MYT1L: variants seen among roughly 807,000 people sequenced by gnomAD.
MYT1L encodes myelin transcription factor 1-like protein.
MYT1L carries 12 observed loss-of-function variants against 126.7 expected under a neutral mutation model. The observed-to-expected ratio is 0.09, with a 90% confidence interval of 0.06 to 0.15. The LOEUF is 0.15. Among genes scored for constraint, MYT1L ranks in the 10% least tolerant of loss-of-function variants. MYT1L has a pLI of 1.00. For missense variants in MYT1L, 979 were observed against 1,585.2 expected (o/e 0.62, Z 6.49); for synonymous variants, 541 against 604.2 (o/e 0.90, Z 1.53).
intron 3 of MYT1L, among the ~76,000 whole-genome samples, chr2:2,165,702 C>T (rs1249502506): frequency 2.0e-5 from 3 of 152,020 alleles, no homozygotes; most frequent in African/African-American, 7.2e-5. Context: ...ACGTTGTCAT[C>T]TCATAGCTGT....
intron 3 of MYT1L, among the ~76,000 whole-genome samples, chr2:2,113,732 A>G (rs1250907987): frequency 6.6e-6 from 1 of 152,246 alleles, no homozygotes; most frequent in East Asian, 1.9e-4. Context: ...TCCATTACAC[A>G]GATAGGAAAA....
intron 2 of MYT1L, among the ~76,000 whole-genome samples, chr2:2,181,556 C>T (rs2091530132): frequency 6.6e-6 from 1 of 152,110 alleles, no homozygotes; most frequent in South Asian, 2.1e-4. Flanking sequence ...TAACTTAAAG[C>T]ACAGCCACAC....
chr2:1,872,920 G>C (rs1244241113), intron 18 of MYT1L, among the ~76,000 whole-genome samples: 3 of 131,142 alleles, frequency 2.3e-5, no homozygotes, highest in Non-Finnish European at 4.7e-5. Flanking sequence ...CTGTGTAGAT[G>C]GGGAAAACAG....
intron 3 of MYT1L, 114 bp downstream of exon 3, chr2:2,172,758 C>G (rs1208283699): frequency 6.6e-6 from 1 of 151,482 alleles, no homozygotes; most frequent in African/African-American, 2.4e-5. Flanking sequence ...TACCTGTGCT[C>G]TGTCGCCAGG....
At chr2:2,040,570 ATAAG>A (rs1237022891) in intron 4 of MYT1L, among the ~76,000 whole-genome samples, 1 of 152,224 alleles carries the variant, frequency 6.6e-6, no homozygotes, top group African/African-American at 2.4e-5. Context: ...AAAATTAATT[ATAAG>A]TAAATTTGTT....
rs1559420464 is a variant in MYT1L, at chr2:2,236,783, TC to T, written c.-421+47620del. On this transcript the variant is annotated intron_variant, in intron 2 of 24. Coordinates refer to ENST00000647738, the MANE Select transcript of MYT1L (RefSeq NM_001303052.2). ...TTCTTCTTCTTCTTCTTCTTCTTCT[TC>T]TTCTTCTTCTTCTTCTTCTTCTTCT... Among the ~76,000 whole-genome samples the T allele has an allele frequency of 2.0e-4, 4 of 19,940 alleles. 1 individual carries two copies. The highest frequency in any genetic ancestry group is 5.9e-3 in the East Asian group (1 of 170). The allele number at this position is 19,940 out of a possible 152,430, so 13.1% of individuals were successfully genotyped here. A position where few individuals can be genotyped will look rare whatever the true frequency, so the allele number is the denominator to read the frequency against.
intron 4 of MYT1L, among the ~76,000 whole-genome samples, chr2:2,015,187 G>A (rs1203783239): frequency 6.6e-6 from 1 of 152,360 alleles, no homozygotes; most frequent in Admixed American, 6.5e-5. Context: ...ATGCTGAAGA[G>A]AATGGGTGCA....
At chr2:1,840,658 C>G in intron 20 of MYT1L, 102 bp downstream of exon 20, 3 of 844,884 alleles carry the variant, frequency 3.6e-6, no homozygotes. Context: ...GCCACTAAGA[C>G]CCGCTGTCTC....
At chr2:2,238,841 C>G (rs138826342) in intron 2 of MYT1L, among the ~76,000 whole-genome samples, 1 of 152,356 alleles carries the variant, frequency 6.6e-6, no homozygotes, top group East Asian at 1.9e-4. Flanking sequence ...TTAGCAGCCC[C>G]CATAGCTGTA....
chr2:1,843,186 C>T (rs2042043999), intron 19 of MYT1L, among the ~76,000 whole-genome samples: 1 of 152,240 alleles, frequency 6.6e-6, no homozygotes, highest in African/African-American at 2.4e-5. Flanking sequence ...GCCTCTGCAT[C>T]CTGCAAGAAG....
At chr2:2,192,738 G>A (rs1027998263) in intron 2 of MYT1L, among the ~76,000 whole-genome samples, 1 of 152,082 alleles carries the variant, frequency 6.6e-6, no homozygotes, top group Non-Finnish European at 1.5e-5. Context: ...GCTACCCTCT[G>A]GGGCTGGGAG....
intron 3 of MYT1L, among the ~76,000 whole-genome samples, chr2:2,082,657 A>T (rs1404000765): frequency 6.6e-6 from 1 of 152,228 alleles, no homozygotes; most frequent in African/African-American, 2.4e-5. Context: ...GAGTTCCAGG[A>T]GTAATGCACT....
intron 3 of MYT1L, among the ~76,000 whole-genome samples, chr2:2,120,561 T>C (rs1387236712): frequency 6.6e-6 from 1 of 152,054 alleles, no homozygotes; most frequent in Non-Finnish European, 1.5e-5. Context: ...TATTGTGCCC[T>C]GAAGGCCGGC....
At chr2:1,941,747 A>G (rs2149255426) in intron 9 of MYT1L, among the ~76,000 whole-genome samples, 1 of 152,312 alleles carries the variant, frequency 6.6e-6, no homozygotes, top group East Asian at 1.9e-4. Context: ...GTATATATAC[A>G]TATCTATCTA....
At chr2:2,093,140 TAG>T (rs1209899716) in intron 3 of MYT1L, among the ~76,000 whole-genome samples, 6 of 152,194 alleles carry the variant, frequency 3.9e-5, no homozygotes, top group Non-Finnish European at 8.8e-5. Flanking sequence ...GCGTTTTCAT[TAG>T]AGTTTGTCTC....
rs58549168 is a variant in MYT1L, at chr2:2,109,875, T to TTATATATATA, written c.-303-55762_-303-55753dup. Among the ~76,000 whole-genome samples the TTATATATATA allele has an allele frequency of 3.4e-3, 215 of 63,856 alleles. 6 individuals carry two copies. Among genetic ancestry groups the TTATATATATA allele is most frequent in the Non-Finnish European group, 4.2e-3 (144 of 34,594 alleles). The allele number at this position is 63,856 out of a possible 152,430, so 41.9% of individuals were successfully genotyped here. The stretch of plus-strand genomic sequence containing the variant: ...AGGAAGATTCACAAAAGTGCTGATT[T>TTATATATATA]TATATATATATATATATATATATAT... On this transcript the variant is annotated intron_variant, in intron 3 of 24. Transcript: ENST00000647738.
chr2:1,986,069 C>T (rs145068207), intron 5 of MYT1L, among the ~76,000 whole-genome samples: 22 of 152,324 alleles, frequency 1.4e-4, no homozygotes, highest in African/African-American at 5.3e-4. Flanking sequence ...GGCAGGTGGA[C>T]GTCCTGACGG....
intron 4 of MYT1L, among the ~76,000 whole-genome samples, chr2:2,002,064 GAAC>G (rs2062446544): frequency 6.6e-6 from 1 of 152,154 alleles, no homozygotes; most frequent in Non-Finnish European, 1.5e-5. Flanking sequence ...ACATTTCACA[GAAC>G]AACACCTTCT....
At chr2:2,109,881 A>G (rs2079187306) in intron 3 of MYT1L, among the ~76,000 whole-genome samples, 1 of 44,220 alleles carries the variant, frequency 2.3e-5, no homozygotes, top group Admixed American at 2.7e-4. Flanking sequence ...GATTTTATAT[A>G]TATATATATA....
Sources: gnomAD v4.1 joint callset for allele counts (sites outside exome capture counted in the v4.1 genomes callset) on GRCh38, gnomAD v4.1.1 for gene constraint, MANE v1.5 for transcripts, NCBI Gene and HGNC (gene_info 2026-07-23, HGNC 2026-07-21) for gene names.